UNC13C: variants seen among roughly 807,000 people sequenced by gnomAD.
UNC13C encodes protein unc-13 homolog C.
In UNC13C, 174 loss-of-function variants were observed where a neutral mutation model predicts 245.4. The observed-to-expected ratio is 0.71, with a 90% confidence interval of 0.63 to 0.80. UNC13C has a LOEUF of 0.80. Ranked by LOEUF, UNC13C falls within the 30% of genes least tolerant of loss-of-function variation. The pLI is 0.00. For synonymous variants in UNC13C, 992 were observed against 895.1 expected, an observed-to-expected ratio of 1.11 and a Z score of -1.93; for missense variants, 2,829 against 2,602.9, an observed-to-expected ratio of 1.09 and a Z score of -1.89.
the UNC13C span, among the ~76,000 whole-genome samples, chr15:53,871,519 G>C: frequency 6.6e-6 from 1 of 152,168 alleles, no homozygotes; most frequent in Non-Finnish European, 1.5e-5. Context: ...TCTATGCAAG[G>C]CTGTGAGCAA....
Position 54,494,782 on chromosome 15 carries a change from C to A in UNC13C, c.5060+48C>A, listed in dbSNP as rs374813958. 14 of 1,589,506 alleles carry A rather than the reference C, an allele frequency of 8.8e-6. No homozygotes were observed. The South Asian group carries it at 1.4e-4, about 16-fold the overall frequency. ...ACACCCTCAGATCTAAATTCACATT[C>A]CTGTAAAATTACACCTGAATTGTGT... On this transcript the variant is annotated intron_variant, in intron 20 of 32. Transcript: ENST00000260323.
At chr15:54,601,890 T>C (rs1649456674) in intron 30 of UNC13C, among the ~76,000 whole-genome samples, 1 of 152,176 alleles carries the variant, frequency 6.6e-6, no homozygotes, top group African/African-American at 2.4e-5. Context: ...GAGCATGGCC[T>C]GGTCTCTGCA....
intron 4 of UNC13C, among the ~76,000 whole-genome samples, chr15:54,199,720 A>G (rs1397212789): frequency 1.3e-5 from 2 of 152,120 alleles, no homozygotes; most frequent in African/African-American, 4.8e-5. Flanking sequence ...TCTTCTAAAT[A>G]AACCAAAATA....
intron 17 of UNC13C, among the ~76,000 whole-genome samples, chr15:54,352,351 TATAG>T (rs1405412455): frequency 3.7e-5 from 5 of 133,960 alleles, no homozygotes; most frequent in Admixed American, 1.5e-4. Context: ...TATATATATA[TATAG>T]AGAGAGAGAG....
At chr15:54,110,922 C>T (rs546950862) in intron 2 of UNC13C, among the ~76,000 whole-genome samples, 1 of 152,256 alleles carries the variant, frequency 6.6e-6, no homozygotes, top group East Asian at 1.9e-4. Flanking sequence ...TATACCATTG[C>T]ACTTCCTTTA....
intron 17 of UNC13C, among the ~76,000 whole-genome samples, chr15:54,360,942 A>C (rs1004818652): frequency 6.6e-6 from 1 of 152,008 alleles, no homozygotes; most frequent in Non-Finnish European, 1.5e-5. Context: ...TGGGAAATTC[A>C]TTTTTGGCTT....
intron 2 of UNC13C, among the ~76,000 whole-genome samples, chr15:54,061,251 G>T (rs1405201627): frequency 6.6e-6 from 1 of 151,810 alleles, no homozygotes; most frequent in African/African-American, 2.4e-5. Flanking sequence ...TACTAGAAAG[G>T]TACTAAAAAG....
chr15:54,145,472 C>G (rs1217799710), intron 4 of UNC13C, among the ~76,000 whole-genome samples: 1 of 151,986 alleles, frequency 6.6e-6, no homozygotes, highest in Non-Finnish European at 1.5e-5. Context: ...GAATTACTCT[C>G]GTTCATATTC....
chr15:54,497,985 G>A (rs531080262), intron 20 of UNC13C, among the ~76,000 whole-genome samples: 1 of 152,120 alleles, frequency 6.6e-6, no homozygotes, highest in East Asian at 1.9e-4. Flanking sequence ...AAGGCTACCA[G>A]ACAACAGGAC....
the UNC13C span, among the ~76,000 whole-genome samples, chr15:53,887,203 G>A: frequency 6.6e-6 from 1 of 152,068 alleles, no homozygotes; most frequent in Non-Finnish European, 1.5e-5. Context: ...TATGGAAACT[G>A]TCTGTACTAT....
intron 30 of UNC13C, among the ~76,000 whole-genome samples, chr15:54,584,690 G>C (rs983809551): frequency 6.6e-6 from 1 of 152,218 alleles, no homozygotes; most frequent in Non-Finnish European, 1.5e-5. Flanking sequence ...GGCATTCTTC[G>C]TATTCACTAA....
At chr15:54,580,186 G>A (rs908250363) in intron 30 of UNC13C, among the ~76,000 whole-genome samples, 27 of 152,318 alleles carry the variant, frequency 1.8e-4, no homozygotes, top group Non-Finnish European at 2.1e-4. Flanking sequence ...GGTCAGTGGC[G>A]TTAATTGGAA....
the UNC13C span, among the ~76,000 whole-genome samples, chr15:53,946,162 T>G: frequency 6.6e-6 from 1 of 152,192 alleles, no homozygotes; most frequent in Non-Finnish European, 1.5e-5. Flanking sequence ...TTTCTAGTTA[T>G]AGAATCACGT....
the UNC13C span, among the ~76,000 whole-genome samples, chr15:53,931,755 T>C: frequency 6.6e-6 from 1 of 152,170 alleles, no homozygotes; most frequent in Non-Finnish European, 1.5e-5. Context: ...AATTGAGGTG[T>C]GTTTTTGTTA....
At chr15:54,270,727 T>G (rs1394270266) in intron 10 of UNC13C, among the ~76,000 whole-genome samples, 5 of 152,128 alleles carry the variant, frequency 3.3e-5, no homozygotes, top group Admixed American at 3.3e-4. Flanking sequence ...GAAATGGATC[T>G]GAGAGATAGT....
chr15:53,950,286 T>C, the UNC13C span, among the ~76,000 whole-genome samples: 23,549 of 152,244 alleles, frequency 0.15, 2,177 homozygotes, highest in Middle Eastern at 0.23. Flanking sequence ...AGTCCCATCT[T>C]ATAGACAGGA....
At chr15:54,148,228 A>C (rs976578924) in intron 4 of UNC13C, among the ~76,000 whole-genome samples, 7 of 152,198 alleles carry the variant, frequency 4.6e-5, no homozygotes, top group Non-Finnish European at 1.0e-4. Flanking sequence ...TTTACCAAAA[A>C]ATATTAATAA....
In UNC13C at chr15:54,355,302, T is replaced by G. The variant is rs182744639; in HGVS notation, c.4713+16813T>G. Among the ~76,000 whole-genome samples, 15 of 152,312 alleles carry G rather than the reference T, an allele frequency of 9.8e-5. No individual in the cohort carries two copies. In the East Asian group the frequency reaches 2.1e-3, roughly 22 times the overall value. ...TAGAATTATTTCTATGATCATGCAG[T>G]CTACACATGTCATGTTTCATTTCAT... On this transcript the variant is annotated intron_variant, in intron 17 of 32. Transcript: ENST00000260323.
intron 4 of UNC13C, among the ~76,000 whole-genome samples, chr15:54,214,336 G>A (rs1027730102): frequency 6.6e-6 from 1 of 151,788 alleles, no homozygotes; most frequent in African/African-American, 2.4e-5. Context: ...GGCATTCTTG[G>A]TACTGTCTAT....
Sources: gnomAD v4.1 joint callset for allele counts (sites outside exome capture counted in the v4.1 genomes callset) on GRCh38, gnomAD v4.1.1 for gene constraint, MANE v1.5 for transcripts, NCBI Gene and HGNC (gene_info 2026-07-23, HGNC 2026-07-21) for gene names.